CDH18: variants seen among roughly 807,000 people sequenced by gnomAD.
CDH18 encodes the protein cadherin-18.
Under a neutral mutation model 67.9 loss-of-function variants are expected in CDH18, and 31 were observed. That is an observed-to-expected ratio of 0.46 (90% CI 0.34 to 0.62). CDH18 has a LOEUF of 0.62. Among genes scored for constraint, CDH18 ranks in the 20% least tolerant of loss-of-function variants. The pLI is 0.01. For missense variants in CDH18, 890 were observed against 975.5 expected (o/e 0.91, Z 1.17); for synonymous variants, 362 against 347.2 (o/e 1.04, Z -0.48).
chr5:20,002,133 T>C (rs2150401964), intron 2 of CDH18, among the ~76,000 whole-genome samples: 1 of 152,336 alleles, frequency 6.6e-6, no homozygotes, highest in African/African-American at 2.4e-5. Flanking sequence ...TAAAGTCCCC[T>C]AAATCTTTCC....
chr5:20,043,964 A>G (rs910384287), intron 2 of CDH18, among the ~76,000 whole-genome samples: 1 of 152,240 alleles, frequency 6.6e-6, no homozygotes, highest in South Asian at 2.1e-4. Context: ...CTTCCCAAAC[A>G]TAAATACATA....
At chr5:20,324,919 T>C (rs1419562618) in intron 1 of CDH18, among the ~76,000 whole-genome samples, 1 of 152,220 alleles carries the variant, frequency 6.6e-6, no homozygotes, top group Non-Finnish European at 1.5e-5. Context: ...ATTAGTTCCC[T>C]TATTAATGAA....
chr5:20,360,768 T>C (rs1330031608), intron 1 of CDH18, among the ~76,000 whole-genome samples: 2 of 152,190 alleles, frequency 1.3e-5, no homozygotes, highest in African/African-American at 4.8e-5. Context: ...TTAGTATTGT[T>C]ATTGCTATTG....
intron 2 of CDH18, among the ~76,000 whole-genome samples, chr5:20,085,900 C>T (rs1167887178): frequency 6.6e-6 from 1 of 152,108 alleles, no homozygotes; most frequent in African/African-American, 2.4e-5. Context: ...CCTAAAACAG[C>T]CTCTTAGCAT....
intron 2 of CDH18, among the ~76,000 whole-genome samples, chr5:20,032,120 A>G (rs1476389955): frequency 6.6e-6 from 1 of 152,048 alleles, no homozygotes; most frequent in Non-Finnish European, 1.5e-5. Flanking sequence ...TCAAAAAATG[A>G]CAGTATGTAT....
intron 2 of CDH18, among the ~76,000 whole-genome samples, chr5:20,063,002 T>TC (rs999471653): frequency 6.7e-6 from 1 of 149,714 alleles, no homozygotes; most frequent in Non-Finnish European, 1.5e-5. Flanking sequence ...TTTTTTTTTT[T>TC]TTTTGAGACA....
chr5:19,915,129 G>A (rs1020201869), intron 2 of CDH18, among the ~76,000 whole-genome samples: 2 of 152,058 alleles, frequency 1.3e-5, no homozygotes, highest in Non-Finnish European at 1.5e-5. Flanking sequence ...TATTAAAAAT[G>A]GCATTTTCTG....
intron 2 of CDH18, among the ~76,000 whole-genome samples, chr5:20,224,537 T>C (rs1288962906): frequency 6.6e-6 from 1 of 151,922 alleles, no homozygotes; most frequent in Non-Finnish European, 1.5e-5. Flanking sequence ...TTTTCTCTTC[T>C]GTTTTAATAT....
chr5:20,492,840 C>A (rs967574265), intron 1 of CDH18, among the ~76,000 whole-genome samples: 1 of 152,062 alleles, frequency 6.6e-6, no homozygotes, highest in Admixed American at 6.6e-5. Flanking sequence ...CACACACATG[C>A]CTTGATGAAT....
chr5:19,600,611 A>G (rs980995153), intron 6 of CDH18, among the ~76,000 whole-genome samples: 6 of 151,412 alleles, frequency 4.0e-5, no homozygotes, highest in African/African-American at 1.5e-4. Context: ...CTTGAAAAAA[A>G]GAAATATAGT....
At chr5:20,351,711 C>T (rs778327531) in intron 1 of CDH18, among the ~76,000 whole-genome samples, 21 of 152,004 alleles carry the variant, frequency 1.4e-4, no homozygotes, top group Non-Finnish European at 2.6e-4. Flanking sequence ...CAGAGAACTC[C>T]CGTGGCTGTG....
chr5:19,843,914 A>G (rs1224257131), intron 2 of CDH18, among the ~76,000 whole-genome samples: 1 of 152,208 alleles, frequency 6.6e-6, no homozygotes, highest in Non-Finnish European at 1.5e-5. Flanking sequence ...TGTTTTGGCC[A>G]ATTTCTCCCA....
At chr5:20,236,383 C>T (rs1742477396) in intron 2 of CDH18, among the ~76,000 whole-genome samples, 1 of 151,298 alleles carries the variant, frequency 6.6e-6, no homozygotes, top group Non-Finnish European at 1.5e-5. Context: ...AAAAATCCAA[C>T]CAAGAATCCT....
intron 1 of CDH18, among the ~76,000 whole-genome samples, chr5:20,504,142 T>A (rs1754513428): frequency 6.6e-6 from 1 of 152,128 alleles, no homozygotes; most frequent in African/African-American, 2.4e-5. Flanking sequence ...ACAGCAGAAC[T>A]ATTGGATATA....
At chr5:19,909,579 G>A (rs948021623) in intron 2 of CDH18, among the ~76,000 whole-genome samples, 19 of 151,958 alleles carry the variant, frequency 1.3e-4, no homozygotes, top group African/African-American at 2.2e-4. Context: ...GAGCCACCAC[G>A]CCCAGCCAGC....
chr5:19,804,799 C>G (rs915994337), intron 3 of CDH18, among the ~76,000 whole-genome samples: 34 of 152,272 alleles, frequency 2.2e-4, no homozygotes, highest in Admixed American at 8.5e-4. Flanking sequence ...AGTAAATAAT[C>G]CATGGATTCC....
At chr5:19,925,472 T>C (rs966126314) in intron 2 of CDH18, among the ~76,000 whole-genome samples, 2 of 152,206 alleles carry the variant, frequency 1.3e-5, no homozygotes, top group Middle Eastern at 6.8e-3. Flanking sequence ...TGGGGATGAT[T>C]AGCATCGCAC....
chr5:20,157,641 C>T (rs1751636249), intron 2 of CDH18, among the ~76,000 whole-genome samples: 1 of 149,550 alleles, frequency 6.7e-6, no homozygotes, highest in Non-Finnish European at 1.5e-5. Flanking sequence ...CACCCTTTAA[C>T]CCACTTTTTT....
intron 1 of CDH18, among the ~76,000 whole-genome samples, chr5:20,391,655 T>G (rs1744871419): frequency 6.6e-6 from 1 of 152,022 alleles, no homozygotes; most frequent in East Asian, 1.9e-4. Flanking sequence ...AAAATTTCAT[T>G]GACATTGTTT....
Sources: allele counts gnomAD v4.1 joint callset (sites outside exome capture counted in the v4.1 genomes callset), GRCh38; gene constraint gnomAD v4.1.1; transcripts MANE v1.5; gene names NCBI Gene and HGNC (gene_info 2026-07-23, HGNC 2026-07-21).